The following RARB variants were observed in gnomAD, a reference collection of about 807,000 sequenced individuals.
The protein encoded by RARB is HBV-activated protein.
Under a neutral mutation model 51.9 loss-of-function variants are expected in RARB, and 17 were observed. That is an observed-to-expected ratio of 0.33 (90% CI 0.22 to 0.49). The LOEUF is 0.49. Ranked by LOEUF, RARB falls within the 20% of genes least tolerant of loss-of-function variation. The probability of loss-of-function intolerance (pLI) is 0.99; values close to 1 mark genes in which losing one functional copy is unlikely to be tolerated. For synonymous variants in RARB, 215 were observed against 195.4 expected (o/e 1.10, Z -0.84); for missense variants, 369 against 550.8 (o/e 0.67, Z 3.30).
intron 4 of RARB, among the ~76,000 whole-genome samples, chr3:25,137,842 T>C (rs1700055280): frequency 6.6e-6 from 1 of 152,148 alleles, no homozygotes; most frequent in Non-Finnish European, 1.5e-5. Context: ...CCCACAGCCA[T>C]GACTGAGAGG....
intron 4 of RARB, among the ~76,000 whole-genome samples, chr3:25,163,961 G>A (rs1700519469): frequency 6.6e-6 from 1 of 152,170 alleles, no homozygotes; most frequent in African/African-American, 2.4e-5. Context: ...CACACAGTAT[G>A]CAAAATGGGT....
intron 2 of RARB, among the ~76,000 whole-genome samples, chr3:24,993,157 C>T (rs1014019534): frequency 6.6e-6 from 1 of 151,938 alleles, no homozygotes; most frequent in African/African-American, 2.4e-5. Context: ...AATACATATA[C>T]AAACATGACA....
intron 5 of RARB, among the ~76,000 whole-genome samples, chr3:25,365,640 G>A (rs1706094977): frequency 6.6e-6 from 1 of 152,260 alleles, no homozygotes; most frequent in Admixed American, 6.5e-5. Context: ...AGAGTGACTT[G>A]AAGGCCAGAT....
chr3:25,531,723 T>TAA (rs5847361), intron 3 of RARB, among the ~76,000 whole-genome samples: 14 of 134,496 alleles, frequency 1.0e-4, no homozygotes, highest in East Asian at 2.1e-4. Flanking sequence ...ATAGACACTT[T>TAA]AAAAAAAAAA....
At chr3:25,370,557 T>C (rs989539774) in intron 5 of RARB, among the ~76,000 whole-genome samples, 6 of 152,128 alleles carry the variant, frequency 3.9e-5, no homozygotes, top group Non-Finnish European at 7.4e-5. Context: ...ATTGAGTTTT[T>C]GGAGAGCGTA....
chr3:25,596,278 C>G, intron 7 of RARB, 142 bp from the exon 8 acceptor site: 1 of 627,354 alleles, frequency 1.6e-6, no homozygotes, highest in Non-Finnish European at 2.7e-6. Context: ...CAACAAAAAG[C>G]CACCTGATAT....
intron 3 of RARB, among the ~76,000 whole-genome samples, chr3:25,072,002 C>G (rs1044218371): frequency 6.6e-6 from 1 of 152,194 alleles, no homozygotes; most frequent in Non-Finnish European, 1.5e-5. Flanking sequence ...GGAGAATCCA[C>G]GTGAGGCATA....
chr3:25,513,720 A>G (rs531524246), intron 3 of RARB, among the ~76,000 whole-genome samples: 1 of 149,066 alleles, frequency 6.7e-6, no homozygotes, highest in East Asian at 2.0e-4. Flanking sequence ...AAGGTGCACT[A>G]TTATTTTGTA....
intron 2 of RARB, among the ~76,000 whole-genome samples, chr3:24,987,449 A>G (rs1696818195): frequency 6.6e-6 from 1 of 152,216 alleles, no homozygotes; most frequent in Non-Finnish European, 1.5e-5. Flanking sequence ...GAGGGGTTGG[A>G]TGAAATCTTT....
At chr3:25,583,653 C>G (rs1322350488) in intron 5 of RARB, among the ~76,000 whole-genome samples, 16 of 152,200 alleles carry the variant, frequency 1.1e-4, no homozygotes, top group Admixed American at 1.0e-3. Flanking sequence ...CCTCACCTGT[C>G]CTGCCCTTGC....
chr3:25,548,548 T>G (rs973953725), intron 3 of RARB, among the ~76,000 whole-genome samples: 2 of 150,904 alleles, frequency 1.3e-5, no homozygotes, highest in African/African-American at 4.9e-5. Flanking sequence ...TTAAATGTGA[T>G]GCACATTCCA....
At chr3:25,329,992 C>T (rs1239088223) in intron 5 of RARB, among the ~76,000 whole-genome samples, 2 of 152,086 alleles carry the variant, frequency 1.3e-5, no homozygotes, top group Non-Finnish European at 2.9e-5. Flanking sequence ...ATGAACAAAT[C>T]CTCCAAGAAA....
intron 2 of RARB, among the ~76,000 whole-genome samples, chr3:24,963,511 G>T (rs1049089545): frequency 2.7e-5 from 4 of 150,136 alleles, no homozygotes; most frequent in Non-Finnish European, 4.4e-5. Flanking sequence ...ATTATTTTCC[G>T]TTACATTATG....
At chr3:25,462,820 A>G (rs922645346) in intron 2 of RARB, among the ~76,000 whole-genome samples, 1 of 152,118 alleles carries the variant, frequency 6.6e-6, no homozygotes, top group African/African-American at 2.4e-5. Context: ...CCTCATTCCC[A>G]TCAGGCTGGC....
At chr3:25,179,676 T>C (rs1700824001) in intron 5 of RARB, among the ~76,000 whole-genome samples, 1 of 152,192 alleles carries the variant, frequency 6.6e-6, no homozygotes, top group Non-Finnish European at 1.5e-5. Flanking sequence ...GAAATAGAGT[T>C]TATACTGTTG....
intron 2 of RARB, among the ~76,000 whole-genome samples, chr3:25,045,480 C>G (rs1698196651): frequency 6.6e-6 from 1 of 152,182 alleles, no homozygotes; most frequent in African/African-American, 2.4e-5. Flanking sequence ...AGAGCTCCCT[C>G]CCTCCAGAGG....
chr3:25,221,051 ATTCT>A (rs1408298990), intron 5 of RARB, among the ~76,000 whole-genome samples: 1 of 152,102 alleles, frequency 6.6e-6, no homozygotes, highest in Non-Finnish European at 1.5e-5. Context: ...TTGCAAATCT[ATTCT>A]TTCTTACTTG....
At chr3:25,394,954 T>C (rs1263061302) in intron 5 of RARB, among the ~76,000 whole-genome samples, 1 of 152,238 alleles carries the variant, frequency 6.6e-6, no homozygotes, top group Non-Finnish European at 1.5e-5. Flanking sequence ...AGTTGTTGCC[T>C]GAATACTTTC....
At chr3:24,956,634 T>C (rs554504897) in intron 2 of RARB, among the ~76,000 whole-genome samples, 8 of 152,218 alleles carry the variant, frequency 5.3e-5, no homozygotes, top group Non-Finnish European at 1.2e-4. Context: ...ATGTGTTGAC[T>C]ATTTGCCAAA....
Sources: allele counts gnomAD v4.1 joint callset (sites outside exome capture counted in the v4.1 genomes callset), GRCh38; gene constraint gnomAD v4.1.1; transcripts MANE v1.5; gene names NCBI Gene and HGNC (gene_info 2026-07-23, HGNC 2026-07-21).